Variants in MACROD2 observed in about 807,000 individuals in gnomAD.
The protein encoded by MACROD2 is ADP-ribose glycohydrolase MACROD2.
In MACROD2, 36 loss-of-function variants were observed where a neutral mutation model predicts 70.4. That is an observed-to-expected ratio of 0.51 (90% CI 0.39 to 0.68). The LOEUF is 0.68. Ranked by LOEUF, MACROD2 falls within the 30% of genes least tolerant of loss-of-function variation. The pLI, the probability that MACROD2 is intolerant of heterozygous loss-of-function variation, is 0.00. For missense variants in MACROD2, 496 were observed against 538.4 expected (o/e 0.92, Z 0.78); for synonymous variants, 172 against 178.8 (o/e 0.96, Z 0.30).
chr20:14,783,220 A>C (rs1464987433), intron 5 of MACROD2, among the ~76,000 whole-genome samples: 1 of 152,160 alleles, frequency 6.6e-6, no homozygotes, highest in East Asian at 1.9e-4. Flanking sequence ...ATGTGTATGA[A>C]TACCATAGAA....
intron 4 of MACROD2, among the ~76,000 whole-genome samples, chr20:14,669,610 C>A (rs920509518): frequency 6.6e-6 from 1 of 152,150 alleles, no homozygotes; most frequent in East Asian, 1.9e-4. Flanking sequence ...AGATCTCATT[C>A]TCTGATAAAA....
intron 8 of MACROD2, among the ~76,000 whole-genome samples, chr20:15,567,081 T>C (rs932039852): frequency 4.7e-5 from 7 of 149,484 alleles, no homozygotes; most frequent in African/African-American, 1.7e-4. Context: ...TCCTCCTCTG[T>C]TTTAAATAAC....
intron 6 of MACROD2, among the ~76,000 whole-genome samples, chr20:15,363,441 G>T (rs1422167912): frequency 1.3e-5 from 2 of 152,176 alleles, no homozygotes; most frequent in Non-Finnish European, 2.9e-5. Flanking sequence ...AAGGCACCAT[G>T]GCAATATATT....
chr20:14,762,845 G>T (rs6135254), intron 5 of MACROD2, among the ~76,000 whole-genome samples: 8,097 of 152,140 alleles, frequency 0.053, 346 homozygotes, highest in East Asian at 0.18. Context: ...CACAAAAACT[G>T]CTTGAACCCA....
intron 5 of MACROD2, among the ~76,000 whole-genome samples, chr20:14,726,395 C>G (rs1272068915): frequency 6.6e-6 from 1 of 152,150 alleles, no homozygotes; most frequent in East Asian, 1.9e-4. Flanking sequence ...CACAGGAGAT[C>G]ACTTGATCCT....
intron 3 of MACROD2, among the ~76,000 whole-genome samples, chr20:14,434,257 A>G (rs1481202368): frequency 6.6e-6 from 1 of 152,216 alleles, no homozygotes; most frequent in African/African-American, 2.4e-5. Context: ...ACCTTGTGGA[A>G]TAAATGCAAT....
In MACROD2 at chr20:14,445,132, C is replaced by G. The variant is rs935699456; in HGVS notation, c.272-48347C>G. On this transcript the variant is annotated intron_variant, in intron 3 of 17. Coordinates refer to ENST00000684519, the MANE Select transcript of MACROD2 (RefSeq NM_001351661.2). ...TCCTTTTAGGGACCTGGGTAAACAGCCTCCTATTACCTTTCTGATGCCATC... is the reference window on the plus strand; with the variant it reads ...TCCTTTTAGGGACCTGGGTAAACAGGCTCCTATTACCTTTCTGATGCCATC... 1.1e-4 allele frequency among the ~76,000 whole-genome samples: 17 copies of G among 151,990 alleles called. 1 individual carries two copies. The highest frequency in any genetic ancestry group is 3.9e-4 in the African/African-American group (16 of 41,320).
intron 4 of MACROD2, among the ~76,000 whole-genome samples, chr20:14,579,776 T>C (rs1661118301): frequency 6.6e-6 from 1 of 152,212 alleles, no homozygotes; most frequent in African/African-American, 2.4e-5. Flanking sequence ...ATATAAAAGC[T>C]TGATAAAGAG....
At chr20:15,302,364 A>G (rs1459521275) in intron 6 of MACROD2, among the ~76,000 whole-genome samples, 1 of 62,834 alleles carries the variant, frequency 1.6e-5, no homozygotes, top group Non-Finnish European at 3.1e-5. Flanking sequence ...GATAAAATAC[A>G]CACACACACA....
At chr20:14,947,066 G>A (rs1267437370) in intron 5 of MACROD2, among the ~76,000 whole-genome samples, 3 of 152,142 alleles carry the variant, frequency 2.0e-5, no homozygotes, top group Non-Finnish European at 4.4e-5. Context: ...CCTTGGCTCA[G>A]CCCATTTCTT....
intron 3 of MACROD2, among the ~76,000 whole-genome samples, chr20:14,231,137 TC>T: frequency 6.6e-6 from 1 of 151,826 alleles, no homozygotes. Flanking sequence ...TCTTTTTTTT[TC>T]TTTTTTTTTT....
chr20:14,454,942 C>A (rs946571031), intron 3 of MACROD2, among the ~76,000 whole-genome samples: 1 of 151,800 alleles, frequency 6.6e-6, no homozygotes, highest in Non-Finnish European at 1.5e-5. Context: ...TTAGTAGAGA[C>A]GGGGTTTCAC....
chr20:15,278,571 G>A (rs563265968), intron 6 of MACROD2, among the ~76,000 whole-genome samples: 8 of 152,232 alleles, frequency 5.3e-5, no homozygotes, highest in South Asian at 2.1e-4. Flanking sequence ...AGAAGTCAAC[G>A]TACACATGAT....
At chr20:15,885,358 A>G (rs1319889954) in intron 9 of MACROD2, among the ~76,000 whole-genome samples, 1 of 152,150 alleles carries the variant, frequency 6.6e-6, no homozygotes, top group East Asian at 1.9e-4. Flanking sequence ...TGACCAAATA[A>G]TGATGTCCAT....
chr20:14,981,456 G>GTATATATATATATATATATATATA (rs2074799503), intron 5 of MACROD2, among the ~76,000 whole-genome samples: 1 of 133,746 alleles, frequency 7.5e-6, no homozygotes, highest in Non-Finnish European at 1.6e-5. Context: ...ATATATATGT[G>GTATATATATATATATATATATATA]TGTGTGTGTC....
intron 3 of MACROD2, among the ~76,000 whole-genome samples, chr20:14,383,259 C>T (rs74496326): frequency 0.011 from 1,692 of 152,224 alleles, 9 homozygotes; most frequent in Non-Finnish European, 0.017. Context: ...ATCTCCGCTG[C>T]CCCAGACTGA....
intron 5 of MACROD2, among the ~76,000 whole-genome samples, chr20:14,927,366 C>T (rs1170054587): frequency 6.6e-6 from 1 of 152,120 alleles, no homozygotes; most frequent in East Asian, 1.9e-4. Context: ...CTCAAAAATG[C>T]CCAGCCTCAA....
chr20:14,931,859 G>C (rs777153737), intron 5 of MACROD2, among the ~76,000 whole-genome samples: 7 of 151,550 alleles, frequency 4.6e-5, no homozygotes, highest in African/African-American at 7.3e-5. Context: ...AGCTGGGTGT[G>C]ATGACACATG....
intron 5 of MACROD2, among the ~76,000 whole-genome samples, chr20:15,220,708 T>A (rs1234240990): frequency 2.0e-5 from 3 of 152,184 alleles, no homozygotes; most frequent in Non-Finnish European, 2.9e-5. Context: ...GGAAGCGAAA[T>A]TCTTCACAGT....
Sources: allele counts gnomAD v4.1 joint callset (sites outside exome capture counted in the v4.1 genomes callset), GRCh38; gene constraint gnomAD v4.1.1; transcripts MANE v1.5; gene names NCBI Gene and HGNC (gene_info 2026-07-23, HGNC 2026-07-21).